PTPN3: variants seen among roughly 807,000 people sequenced by gnomAD.
The protein encoded by PTPN3 is protein tyrosine phosphatase non-receptor type 3, also known as tyrosine-protein phosphatase non-receptor type 3.
A neutral mutation model predicts 132.7 loss-of-function variants in PTPN3; 96 were observed. The ratio of observed to expected loss-of-function variants is 0.72; its 90% CI spans 0.61 to 0.86. The LOEUF is 0.86. PTPN3 is among the 40% of genes least tolerant of loss of function. The pLI, the probability that PTPN3 is intolerant of heterozygous loss-of-function variation, is 0.00. For missense variants in PTPN3, 1,125 were observed against 1,159.6 expected, an observed-to-expected ratio of 0.97 and a Z score of 0.43; for synonymous variants, 398 against 429.0, an observed-to-expected ratio of 0.93 and a Z score of 0.89.
At chr9:109,433,662 T>A (rs1405837381) in intron 9 of PTPN3, among the ~76,000 whole-genome samples, 1 of 152,178 alleles carries the variant, frequency 6.6e-6, no homozygotes, top group Non-Finnish European at 1.5e-5. Context: ...TCCCAGCACT[T>A]TACGAGGCCA....
At chr9:109,497,052 C>G (rs1847701696) in intron 1 of PTPN3, among the ~76,000 whole-genome samples, 1 of 152,158 alleles carries the variant, frequency 6.6e-6, no homozygotes, top group Admixed American at 6.5e-5. Context: ...CTGCCAACTT[C>G]TGGAGTTTCT....
chr9:109,476,798 G>A (rs916710965), intron 1 of PTPN3, among the ~76,000 whole-genome samples: 7 of 152,166 alleles, frequency 4.6e-5, no homozygotes, highest in Non-Finnish European at 7.4e-5. Flanking sequence ...GGCCTGGCCC[G>A]CCACAGCCAC....
upstream of PTPN3, among the ~76,000 whole-genome samples, chr9:109,503,204 CAAAG>C (rs2132143570): frequency 6.6e-6 from 1 of 152,214 alleles, no homozygotes; most frequent in East Asian, 1.9e-4. Context: ...TGCCTACCGA[CAAAG>C]AGTCACCAGG....
chr9:109,427,008 G>A lies in PTPN3; in HGVS notation c.943C>T (p.Pro315Ser), dbSNP rs777288597. Residue 315 changes from proline (P) to serine (S), a missense_variant, in exon 12 of 26, where the codon CCT (proline) becomes TCT (serine). Coordinates refer to ENST00000374541, the MANE Select transcript of PTPN3 (RefSeq NM_002829.4). ...HTFFQAKKLL[P>S]QEKNVLSQYW... ...TGAGACAGAACATTCTTTTCCTGAG[G>A]TAGTAGCTTCTTTGCCTGAAAGAAC... is the stretch of plus-strand genomic sequence containing the variant. The A allele has an allele frequency of 9.9e-6, 16 of 1,613,764 alleles. No homozygotes were observed. The highest frequency in any genetic ancestry group is 1.4e-5 in the Non-Finnish European group (16 of 1,179,660).
rs984916970 is a variant in PTPN3, at chr9:109,498,230, G to T, written c.-29C>A. 1 of 146,420 alleles carries T rather than the reference G, an allele frequency of 6.8e-6. No individual in the cohort carries two copies. Among genetic ancestry groups the T allele is most frequent in the African/African-American group, 2.4e-5 (1 of 40,830 alleles). 9.1% of individuals were successfully genotyped at this position (146,420 alleles called of 1,614,324 possible). A position where few individuals can be genotyped will look rare whatever the true frequency, so the allele number is the denominator to read the frequency against. On this transcript the variant is annotated 5_prime_UTR_variant, in exon 1 of 26. Transcript: ENST00000374541. This position sits in a 1 kb window ranked among gnomAD's most constrained non-coding sequence, Gnocchi z 4.2. Reference sequence around the variant, plus strand: ...GCACGGGCCCGTACCTGCAGCATCCGGGGGCGCGGAGCGCCCAGGTAGGTC... The same window carrying T: ...GCACGGGCCCGTACCTGCAGCATCCTGGGGCGCGGAGCGCCCAGGTAGGTC...
intron 1 of PTPN3, among the ~76,000 whole-genome samples, chr9:109,494,738 A>T (rs746031759): frequency 9.2e-5 from 14 of 152,122 alleles, no homozygotes; most frequent in Non-Finnish European, 2.1e-4. Flanking sequence ...ATGGGGACGC[A>T]CATACACATA....
intron 8 of PTPN3, 32 bp downstream of exon 8, chr9:109,438,082 T>A: frequency 1.3e-6 from 2 of 1,590,828 alleles, no homozygotes; most frequent in Non-Finnish European, 1.7e-6. Flanking sequence ...CCAACCCAAG[T>A]CCCCAAAGTA....
intron 2 of PTPN3, among the ~76,000 whole-genome samples, chr9:109,461,286 G>A (rs73527433): frequency 0.019 from 2,884 of 152,188 alleles, 86 homozygotes; most frequent in African/African-American, 0.056. Context: ...CAGATTCTCA[G>A]GCCCCACCCC....
rs34634972 is a variant in PTPN3 at position 109,465,706 on chromosome 9, C to CAAAAAA, written c.-17-2261_-17-2256dup. ...GGGCAAAAAGAACAAAACTCTGTCT[C>CAAAAAA]AAAAAAAAAAAAAAAAAAAAAAAGA... is the stretch of plus-strand genomic sequence containing the variant. On this transcript the variant is annotated intron_variant, in intron 1 of 25. Transcript: ENST00000374541. Among the ~76,000 whole-genome samples the CAAAAAA allele has an allele frequency of 2.0e-3, 132 of 64,734 alleles. 1 individual carries two copies. The highest frequency in any genetic ancestry group is 5.6e-3 in the African/African-American group (88 of 15,606). 42.5% of individuals were successfully genotyped at this position (64,734 alleles called of 152,430 possible). A position where few individuals can be genotyped will look rare whatever the true frequency, so the allele number is the denominator to read the frequency against.
chr9:109,430,215 A>C (rs1395104596), intron 10 of PTPN3, among the ~76,000 whole-genome samples: 1 of 152,194 alleles, frequency 6.6e-6, no homozygotes, highest in Non-Finnish European at 1.5e-5. Context: ...GCCAACTGGC[A>C]GATGCAAAAA....
chr9:109,454,153 C>A (rs1417064067), intron 5 of PTPN3, among the ~76,000 whole-genome samples: 1 of 81,196 alleles, frequency 1.2e-5, no homozygotes, highest in Admixed American at 1.1e-4. Context: ...TACATCCTGC[C>A]TACATTGGTA....
At chr9:109,485,207 T>TA (rs1050815560) in intron 1 of PTPN3, among the ~76,000 whole-genome samples, 6 of 149,726 alleles carry the variant, frequency 4.0e-5, no homozygotes, top group Non-Finnish European at 7.4e-5. Context: ...GACTCTGTCT[T>TA]AAAAAAAAAT....
intron 16 of PTPN3, among the ~76,000 whole-genome samples, chr9:109,408,781 TAAAAA>T (rs768982568): frequency 5.0e-4 from 31 of 62,098 alleles, no homozygotes; most frequent in East Asian, 1.4e-3. Flanking sequence ...TTATAATAAT[TAAAAA>T]AAAAAAAAAA....
chr9:109,526,509 C>G, the PTPN3 span, among the ~76,000 whole-genome samples: 1 of 151,460 alleles, frequency 6.6e-6, no homozygotes, highest in Non-Finnish European at 1.5e-5. Context: ...CTGATTTCTA[C>G]AAAAAAAGTC....
the PTPN3 span, among the ~76,000 whole-genome samples, chr9:109,536,305 T>G: frequency 6.6e-6 from 1 of 152,108 alleles, no homozygotes; most frequent in Non-Finnish European, 1.5e-5. Context: ...TTTTAGCCGT[T>G]GTGAATGGTG....
intron 22 of PTPN3, among the ~76,000 whole-genome samples, chr9:109,388,486 A>G (rs534539580): frequency 1.3e-5 from 2 of 152,324 alleles, no homozygotes; most frequent in African/African-American, 4.8e-5. Context: ...CCAGGTCACA[A>G]TGGAGACCTC....
At chr9:109,383,619 A>C (rs1839315441) in intron 22 of PTPN3, 68 bp from the exon 23 acceptor site, 1 of 1,579,530 alleles carries the variant, frequency 6.3e-7, no homozygotes, top group East Asian at 2.2e-5. Context: ...TTAACCCTGG[A>C]CAGGTGGACG....
At chr9:109,449,171 G>A (rs985893653) in intron 5 of PTPN3, 15 of 1,140,402 alleles carry the variant, frequency 1.3e-5, no homozygotes, top group South Asian at 1.1e-4. Context: ...TATGGGTTCC[G>A]CTGTCAGTGA....
intron 5 of PTPN3, chr9:109,450,230 TG>T (rs1845160801): frequency 1.0e-6 from 1 of 985,260 alleles, no homozygotes; most frequent in African/African-American, 1.7e-5. Flanking sequence ...AACATACATT[TG>T]CTGATTCACA....
Sources: allele counts gnomAD v4.1 joint callset (sites outside exome capture counted in the v4.1 genomes callset), GRCh38; gene constraint gnomAD v4.1.1; non-coding constraint Gnocchi (gnomAD v3.1); transcripts MANE v1.5; gene names NCBI Gene and HGNC (gene_info 2026-07-23, HGNC 2026-07-21).